ANGPTL1: variants seen among roughly 807,000 people sequenced by gnomAD.
ANGPTL1 encodes angiopoietin like 1, also known as angiopoietin-related protein 1.
A neutral mutation model predicts 46.7 loss-of-function variants in ANGPTL1; 36 were observed. That is an observed-to-expected ratio of 0.77 (90% CI 0.59 to 1.02). The LOEUF (loss-of-function observed/expected upper bound fraction) is 1.02, where lower values mean the gene tolerates loss of function less well. Ranked by LOEUF, ANGPTL1 falls within the 50% of genes least tolerant of loss-of-function variation. The probability of loss-of-function intolerance (pLI) is 0.00; values close to 1 mark genes in which losing one functional copy is unlikely to be tolerated. For missense variants in ANGPTL1, 571 were observed against 594.7 expected, an observed-to-expected ratio of 0.96 and a Z score of 0.41; for synonymous variants, 221 against 204.3, an observed-to-expected ratio of 1.08 and a Z score of -0.69.
At chr1:178,866,181 A>G (rs548867796) in intron 2 of ANGPTL1, among the ~76,000 whole-genome samples, 5 of 152,278 alleles carry the variant, frequency 3.3e-5, no homozygotes, top group African/African-American at 1.2e-4. Context: ...CCTTAAGACT[A>G]TGAAAATGGT....
chr1:178,856,567 T>G (rs1354615671), intron 3 of ANGPTL1, among the ~76,000 whole-genome samples: 1 of 151,382 alleles, frequency 6.6e-6, no homozygotes, highest in African/African-American at 2.4e-5. Context: ...TTTACATTGA[T>G]TGTATTTTGA....
chr1:178,865,451 T>G lies in ANGPTL1; in HGVS notation c.326A>C (p.Asp109Ala). Residue 109 changes from aspartate (D) to alanine (A), a missense_variant, in exon 3 of 6, where the codon GAT becomes GCT. Coordinates refer to ENST00000234816, the MANE Select transcript of ANGPTL1 (RefSeq NM_004673.4). Reference sequence around the variant, plus strand: ...CTTTACCTCATTCACAATGTTTCCATCTACATCCACCACCAGTTGCAGAAC... The same window carrying G: ...CTTTACCTCATTCACAATGTTTCCAGCTACATCCACCACCAGTTGCAGAAC... Reference protein sequence around the residue: ...IDVLQLVVDVDGNIVNEVKLL... With the variant: ...IDVLQLVVDVAGNIVNEVKLL... 6.2e-7 allele frequency: 1 copy of G among 1,614,060 alleles called. No individual in the cohort carries two copies. Among genetic ancestry groups the G allele is most frequent in the African/African-American group, 1.3e-5 (1 of 75,060 alleles).
chr1:178,867,751 A>G (rs2102343026), intron 2 of ANGPTL1, among the ~76,000 whole-genome samples: 1 of 151,776 alleles, frequency 6.6e-6, no homozygotes, highest in South Asian at 2.1e-4. Context: ...TTCTGCGGCA[A>G]TTTCTTTCCT....
rs1248979344 is a variant in ANGPTL1 at position 178,856,200 on chromosome 1, GAGATATATATATATAT to G, written c.824-2429_824-2414del. 7.3e-5 allele frequency among the ~76,000 whole-genome samples: 3 copies of G among 40,942 alleles called. 1 individual carries two copies. Among genetic ancestry groups the G allele is most frequent in the African/African-American group, 2.8e-4 (3 of 10,720 alleles). The allele number at this position is 40,942 out of a possible 152,430, so 26.9% of individuals were successfully genotyped here. On this transcript the variant is annotated intron_variant, in intron 3 of 5. Coordinates refer to ENST00000234816, the MANE Select transcript of ANGPTL1 (RefSeq NM_004673.4). ...TTACCTGTACTTTTCCAGAGAGAGA[GAGATATATATATATAT>G]ATATATATATATATATATGGTTTTG...
Position 178,851,199 on chromosome 1 carries a change from A to C in ANGPTL1, c.1406T>G (p.Phe469Cys), listed in dbSNP as rs1448448429. The C allele has an allele frequency of 6.2e-7, 1 of 1,614,062 alleles. No individual in the cohort carries two copies. Among genetic ancestry groups the C allele is most frequent in the Admixed American group, 1.7e-5 (1 of 60,010 alleles). Residue 469 changes from phenylalanine (F) to cysteine (C), a missense_variant, in exon 6 of 6, where the codon TTC becomes TGC. Transcript: ENST00000234816. ...TGACCCGCCTCTGTATTCGGCCCAG[A>C]AAATTCCATCTTGGTGCTTGCTTCT... The part of the protein sequence containing the change: ...HYRSKHQDGI[F>C]WAEYRGGSYS...
chr1:178,865,584 A>C lies in ANGPTL1; in HGVS notation c.193T>G (p.Cys65Gly). The change falls in exon 3 of 6, where the codon TGT (cysteine) becomes GGT (glycine). Residue 65 changes from cysteine to glycine, a missense_variant. Physicochemically the swap from Cys to Gly is radical, Grantham distance 159. Transcript: ENST00000234816. The stretch of plus-strand genomic sequence containing the variant: ...GCATCTTGCCCCTTGGTGTTGACAC[A>C]GATTGGCCCTGTTATTCTTTGTTCA... ...VPEQRITGPI[C>G]VNTKGQDAST... The C allele has an allele frequency of 1.2e-6, 2 of 1,614,090 alleles. No individual in the cohort carries two copies. The highest frequency in any genetic ancestry group is 1.7e-6 in the Non-Finnish European group (2 of 1,179,984).
Position 178,852,798 on chromosome 1 carries a change from T to C in ANGPTL1, c.1173A>G (p.Glu391=), listed in dbSNP as rs755571333. The C allele has an allele frequency of 3.7e-6, 6 of 1,613,802 alleles. No homozygotes were observed. The East Asian group carries it at 1.1e-4, about 30-fold the overall frequency. ...AEYSSFRLEP[E]SEFYRLRLGT... ...CCAGGCGCAGTCTATAGAATTCACTTTCAGGTTCCAGACGAAAGCTGCTGT... is the reference window on the plus strand; with the variant it reads ...CCAGGCGCAGTCTATAGAATTCACTCTCAGGTTCCAGACGAAAGCTGCTGT... Residue 391 remains glutamate, a synonymous_variant, in exon 5 of 6, where the codon GAA becomes GAG. Coordinates refer to ENST00000234816, the MANE Select transcript of ANGPTL1 (RefSeq NM_004673.4).
intron 3 of ANGPTL1, among the ~76,000 whole-genome samples, chr1:178,862,179 TTAA>T (rs1195050631): frequency 6.6e-6 from 1 of 152,042 alleles, no homozygotes; most frequent in Non-Finnish European, 1.5e-5. Context: ...GGCGAGGATA[TTAA>T]TAATGATAAT....
rs779478516 is a variant in ANGPTL1 at position 178,852,932 on chromosome 1, C to T, written c.1039G>A (p.Gly347Arg). 15 of 1,611,496 alleles carry T rather than the reference C, an allele frequency of 9.3e-6. No homozygotes were observed. The highest frequency in any genetic ancestry group is 3.3e-5 in the South Asian group (3 of 90,882). ...TTTTCCAGTCCAAGCCAGTATTCTC[C>T]GTCAATGTTTCCAAACCCTTTCTGT... ...NYKKGFGNID[G>R]EYWLGLENIY... Residue 347 changes from glycine (G) to arginine (R), a missense_variant, in exon 5 of 6, where the codon GGA (glycine) becomes AGA (arginine). By Grantham distance (125) the Gly-to-Arg change is moderately radical. Coordinates refer to ENST00000234816, the MANE Select transcript of ANGPTL1 (RefSeq NM_004673.4).
At chr1:178,852,649 G>A (rs1657250586) in intron 5 of ANGPTL1, 34 bp downstream of exon 5, 1 of 1,585,120 alleles carries the variant, frequency 6.3e-7, no homozygotes, top group South Asian at 1.1e-5. Context: ...AGAAGGTGAT[G>A]ATTCTACAAA....
rs529205233 is a variant in ANGPTL1 at position 178,852,283 on chromosome 1, A to T, written c.1288+400T>A. The stretch of plus-strand genomic sequence containing the variant: ...TTGAGAGTACTTATTCCCACCTAAC[A>T]AATTGTTTTGTCTCTCCTCCAGTGA... On this transcript the variant is annotated intron_variant, in intron 5 of 5. Transcript: ENST00000234816. 2.0e-5 allele frequency among the ~76,000 whole-genome samples: 3 copies of T among 152,202 alleles called. No homozygotes were observed. The South Asian group carries it at 6.2e-4, about 32-fold the overall frequency.
Position 178,852,914 on chromosome 1 carries a change from G to A in ANGPTL1, c.1057C>T (p.Leu353=), listed in dbSNP as rs1232271665. Residue 353 remains leucine (L), a synonymous_variant, in exon 5 of 6, where the codon CTG becomes TTG. Coordinates refer to ENST00000234816, the MANE Select transcript of ANGPTL1 (RefSeq NM_004673.4). ...TTGCTAAGCATATAGATATTTTCCA[G>A]TCCAAGCCAGTATTCTCCGTCAATG... The part of the protein sequence containing the change: ...GNIDGEYWLG[L]ENIYMLSNQD... 1.5e-5 allele frequency: 24 copies of A among 1,613,318 alleles called. No individual in the cohort carries two copies. Among genetic ancestry groups the A allele is most frequent in the Non-Finnish European group, 1.9e-5 (23 of 1,179,652 alleles).
At chr1:178,857,763 A>G (rs1344129799) in intron 3 of ANGPTL1, among the ~76,000 whole-genome samples, 1 of 152,178 alleles carries the variant, frequency 6.6e-6, no homozygotes, top group Non-Finnish European at 1.5e-5. Flanking sequence ...ATTTAAGTAT[A>G]TATTCAAAGG....
intron 3 of ANGPTL1, among the ~76,000 whole-genome samples, chr1:178,856,202 G>GAGAT (rs1428022812): frequency 4.4e-4 from 37 of 83,900 alleles, no homozygotes; most frequent in East Asian, 2.0e-3. Flanking sequence ...GAGAGAGAGA[G>GAGAT]ATATATATAT....
In ANGPTL1 at chr1:178,851,141, C is replaced by G; in HGVS notation, c.1464G>C (p.Lys488Asn). The G allele has an allele frequency of 2.5e-6, 4 of 1,613,008 alleles. No homozygotes were observed. Among genetic ancestry groups the G allele is most frequent in the Non-Finnish European group, 3.4e-6 (4 of 1,179,550 alleles). ...YSLRAVQMMI[K>N]PID ...CGAGTGTCTCTCTTCAGTCAATAGG[C>G]TTGATCATCATCTGAACTGCTCTTA... Residue 488 changes from lysine (K) to asparagine (N), a missense_variant, in exon 6 of 6, where the codon AAG becomes AAC. Physicochemically the swap from Lys to Asn is moderately conservative, Grantham distance 94. Transcript: ENST00000234816.
Position 178,865,734 on chromosome 1 carries a change from G to C in ANGPTL1, c.43C>G (p.Leu15Val), listed in dbSNP as rs147201688. 22 of 1,612,714 alleles carry C rather than the reference G, an allele frequency of 1.4e-5. No individual in the cohort carries two copies. The African/African-American group carries it at 2.5e-4, about 19-fold the overall frequency. Residue 15 changes from leucine to valine, a missense_variant, in exon 3 of 6, where the codon CTA becomes GTA. Transcript: ENST00000234816. ...CCTCTGCAATGTCCAGTGTCCACTA[G>C]TAGGAAGAATAGCACACCTAGGGTC... is the stretch of plus-strand genomic sequence containing the variant. ...TWTLGVLFFL[L>V]VDTGHCRGGQ...
chr1:178,859,838 G>A (rs530553782), intron 3 of ANGPTL1, among the ~76,000 whole-genome samples: 338 of 8,250 alleles, frequency 0.041, 4 homozygotes, highest in African/African-American at 0.13. Context: ...CCCCCCAACC[G>A]CCCAAGTAGC....
chr1:178,856,055 C>T (rs571944514), intron 3 of ANGPTL1, among the ~76,000 whole-genome samples: 57 of 148,558 alleles, frequency 3.8e-4, no homozygotes, highest in African/African-American at 1.4e-3. Flanking sequence ...TTATATTTTA[C>T]TAGAAATATG....
chr1:178,868,081 T>A (rs1317959600), intron 2 of ANGPTL1, among the ~76,000 whole-genome samples: 1 of 152,038 alleles, frequency 6.6e-6, no homozygotes, highest in Non-Finnish European at 1.5e-5. Context: ...CTTCTTTTGC[T>A]GACTGATAGC....
Sources: allele counts gnomAD v4.1 joint callset (sites outside exome capture counted in the v4.1 genomes callset), GRCh38; gene constraint gnomAD v4.1.1; transcripts MANE v1.5; gene names NCBI Gene and HGNC (gene_info 2026-07-23, HGNC 2026-07-21).